NSD3: variants seen among roughly 807,000 people sequenced by gnomAD.
NSD3 encodes the protein histone-lysine N-methyltransferase NSD3.
NSD3 carries 24 observed loss-of-function variants against 160.8 expected under a neutral mutation model. That is an observed-to-expected ratio of 0.15 (90% CI 0.11 to 0.21). The LOEUF is 0.21. Among genes scored for constraint, NSD3 ranks in the 10% least tolerant of loss-of-function variants. NSD3 has a pLI of 1.00. For missense variants in NSD3, 1,157 were observed against 1,735.9 expected (o/e 0.67, Z 5.93); for synonymous variants, 520 against 600.0 (o/e 0.87, Z 1.95).
At chr8:38,376,871 C>T (rs911649468) in intron 1 of NSD3, among the ~76,000 whole-genome samples, 1 of 152,212 alleles carries the variant, frequency 6.6e-6, no homozygotes, top group Non-Finnish European at 1.5e-5. Context: ...GTTGTACTAT[C>T]TCTCTTCCAT....
chr8:38,365,038 G>A (rs1477321843), intron 1 of NSD3, among the ~76,000 whole-genome samples: 1 of 152,184 alleles, frequency 6.6e-6, no homozygotes. Flanking sequence ...AACTGACCAC[G>A]GAAATATTTT....
At chr8:38,365,348 CCT>C (rs1811081637) in intron 1 of NSD3, among the ~76,000 whole-genome samples, 2 of 152,038 alleles carry the variant, frequency 1.3e-5, no homozygotes. Context: ...TGTACCAGAC[CCT>C]GTTCTAGATC....
At chr8:38,327,322 C>T (rs1809939022) in intron 6 of NSD3, among the ~76,000 whole-genome samples, 1 of 151,938 alleles carries the variant, frequency 6.6e-6, no homozygotes, top group African/African-American at 2.4e-5. Context: ...TCCCAAAGTG[C>T]TGGGATTACA....
chr8:38,318,993 T>G lies in NSD3; in HGVS notation c.1810-53A>C, dbSNP rs1420669667. ...ACAAAGAATTTTTTTCCCTTTTAAT[T>G]ATTAACAGAGGGAAAAGATACTTTC... is the stretch of plus-strand genomic sequence containing the variant. On this transcript the variant is annotated intron_variant, in intron 8 of 23. Transcript: ENST00000317025. This position sits in a 1 kb window ranked among gnomAD's most constrained non-coding sequence, Gnocchi z 5.3. 6.1e-6 allele frequency: 9 copies of G among 1,463,856 alleles called. No homozygotes were observed. The highest frequency in any genetic ancestry group is 8.5e-6 in the Non-Finnish European group (9 of 1,062,414). 90.7% of individuals were successfully genotyped at this position (1,463,856 alleles called of 1,614,324 possible).
Position 38,295,680 on chromosome 8 carries a change from T to C in NSD3, c.2915+116A>G, listed in dbSNP as rs1160344789. On this transcript the variant is annotated intron_variant, in intron 16 of 23. Coordinates refer to ENST00000317025, the MANE Select transcript of NSD3 (RefSeq NM_023034.2). ...ACATGGTTCTTTTCTTTTTTTTTTT[T>C]AAGGAAGTAGGTCCATGCTGTCTAC... is the stretch of plus-strand genomic sequence containing the variant. The C allele has an allele frequency of 3.2e-6, 3 of 923,326 alleles. No homozygotes were observed. The East Asian group carries it at 8.5e-5, about 26-fold the overall frequency. The allele number at this position is 923,326 out of a possible 1,614,324, so 57.2% of individuals were successfully genotyped here. A position where few individuals can be genotyped will look rare whatever the true frequency, so the allele number is the denominator to read the frequency against.
intron 1 of NSD3, among the ~76,000 whole-genome samples, chr8:38,372,202 G>T (rs999216952): frequency 6.6e-6 from 1 of 152,188 alleles, no homozygotes; most frequent in Admixed American, 6.5e-5. Flanking sequence ...TCATTTTAGA[G>T]TTTGCATGTT....
chr8:38,371,332 G>T (rs1811238885), intron 1 of NSD3, among the ~76,000 whole-genome samples: 1 of 151,970 alleles, frequency 6.6e-6, no homozygotes, highest in Non-Finnish European at 1.5e-5. Context: ...AGTCACTTTG[G>T]AGAAGTTCAA....
At chr8:38,300,746 T>A (rs910102350) in intron 14 of NSD3, among the ~76,000 whole-genome samples, 11 of 152,206 alleles carry the variant, frequency 7.2e-5, no homozygotes, top group African/African-American at 1.2e-4. Flanking sequence ...GACATTTCTC[T>A]ATCCTCTATC....
At chr8:38,327,336 G>A (rs145019805) in intron 6 of NSD3, among the ~76,000 whole-genome samples, 318 of 151,940 alleles carry the variant, frequency 2.1e-3, no homozygotes, top group African/African-American at 6.8e-3. Flanking sequence ...GATTACAGGC[G>A]TTAGCCACCG....
intron 14 of NSD3, chr8:38,303,279 G>A: frequency 4.1e-6 from 4 of 985,376 alleles, no homozygotes; most frequent in Non-Finnish European, 4.8e-6. Flanking sequence ...GATGGGAAAG[G>A]CAATGAGTGA....
chr8:38,339,535 G>C (rs531636689), intron 2 of NSD3, among the ~76,000 whole-genome samples: 1 of 152,188 alleles, frequency 6.6e-6, no homozygotes, highest in African/African-American at 2.4e-5. Flanking sequence ...GACCATCCTG[G>C]CCAACATGGT....
intron 1 of NSD3, among the ~76,000 whole-genome samples, chr8:38,362,833 A>G (rs1811013671): frequency 6.6e-6 from 1 of 152,250 alleles, no homozygotes; most frequent in Non-Finnish European, 1.5e-5. Flanking sequence ...CTGTCACAAC[A>G]TCATCACTGT....
In NSD3 at chr8:38,321,222, G is replaced by T; in HGVS notation, c.1709-50C>A. 1 of 1,472,716 alleles carries T rather than the reference G, an allele frequency of 6.8e-7. No individual in the cohort carries two copies. Among genetic ancestry groups the T allele is most frequent in the South Asian group, 1.2e-5 (1 of 83,464 alleles). 91.2% of individuals were successfully genotyped at this position (1,472,716 alleles called of 1,614,324 possible). A position where few individuals can be genotyped will look rare whatever the true frequency, so the allele number is the denominator to read the frequency against. On this transcript the variant is annotated intron_variant, in intron 7 of 23. Transcript: ENST00000317025. This position sits in a 1 kb window ranked among gnomAD's most constrained non-coding sequence, Gnocchi z 4.7. ...ACAAAAACTCACTTAAGGATACCTT[G>T]ACATCTATGTAATTAAGATATGACC...
chr8:38,273,534 T>C lies in NSD3; in HGVS notation c.*2107A>G, dbSNP rs1808533969. The C allele has an allele frequency of 6.6e-6, 1 of 152,142 alleles. No individual in the cohort carries two copies. The highest frequency in any genetic ancestry group is 1.5e-5 in the Non-Finnish European group (1 of 68,020). 9.4% of individuals were successfully genotyped at this position (152,142 alleles called of 1,614,324 possible). On this transcript the variant is annotated 3_prime_UTR_variant, in exon 24 of 24. Coordinates refer to ENST00000317025, the MANE Select transcript of NSD3 (RefSeq NM_023034.2). Reference sequence around the variant, plus strand: ...AAGTCTAAAAGCAAGGAGATAAGATTTCATGTTGGATACTGTTTCAAGAAC... The same window carrying C: ...AAGTCTAAAAGCAAGGAGATAAGATCTCATGTTGGATACTGTTTCAAGAAC...
At chr8:38,378,825 C>CAAA (rs201408423) in intron 1 of NSD3, among the ~76,000 whole-genome samples, 1 of 87,366 alleles carries the variant, frequency 1.1e-5, no homozygotes, top group Non-Finnish European at 2.4e-5. Flanking sequence ...CTCCATCTCT[C>CAAA]AAAAAAAAAA....
rs1437696177 is a variant in NSD3 at position 38,279,626 on chromosome 8, C to A, written c.3674G>T (p.Ser1225Ile). The change falls in exon 21 of 24, where the codon AGT becomes ATT. Residue 1225 changes from serine to isoleucine, a missense_variant. Transcript: ENST00000317025. ...TTGTGTTTCACAGTTGGGATTACAA[C>A]TGTGGTTCATGAAGCGAGAATAATT... ...KGNYSRFMNH[S>I]CNPNCETQKW... The A allele has an allele frequency of 6.2e-7, 1 of 1,614,138 alleles. No individual in the cohort carries two copies.
At chr8:38,303,167 G>A (rs1380118690) in intron 14 of NSD3, 12 of 918,942 alleles carry the variant, frequency 1.3e-5, no homozygotes, top group Non-Finnish European at 1.6e-5. Context: ...GAGACTTTAT[G>A]TTATCACTGC....
chr8:38,304,501 T>C lies in NSD3; in HGVS notation c.2611+86A>G, dbSNP rs1049521787. 1.5e-5 allele frequency: 21 copies of C among 1,388,684 alleles called. No individual in the cohort carries two copies. The Middle Eastern group carries it at 7.8e-4, about 52-fold the overall frequency. 86.0% of individuals were successfully genotyped at this position (1,388,684 alleles called of 1,614,324 possible). A position where few individuals can be genotyped will look rare whatever the true frequency, so the allele number is the denominator to read the frequency against. The stretch of plus-strand genomic sequence containing the variant: ...AGGAGATTCTACTAGATGGCCTGAG[T>C]TCTTTCCCAATGCTGAGACTCTATG... On this transcript the variant is annotated intron_variant, in intron 14 of 23. Transcript: ENST00000317025.
In NSD3 at chr8:38,361,754, CAAAAAAAAAAA is replaced by C. The variant is rs756700150; in HGVS notation, c.-44-13550_-44-13540del. 2.6e-4 allele frequency among the ~76,000 whole-genome samples: 8 copies of C among 31,162 alleles called. 1 individual carries two copies. The highest frequency in any genetic ancestry group is 8.6e-4 in the Admixed American group (3 of 3,496). 20.4% of individuals were successfully genotyped at this position (31,162 alleles called of 152,430 possible). On this transcript the variant is annotated intron_variant, in intron 1 of 23. Transcript: ENST00000317025. ...TGGGCTACAGAGCGAGACTCCGTCTCAAAAAAAAAAAAAAAAAAAAAAAAAGACAGAAAGGG... is the reference window on the plus strand; with the variant it reads ...TGGGCTACAGAGCGAGACTCCGTCTCAAAAAAAAAAAAAAGACAGAAAGGG...
Sources: allele counts gnomAD v4.1 joint callset (sites outside exome capture counted in the v4.1 genomes callset), GRCh38; gene constraint gnomAD v4.1.1; non-coding constraint Gnocchi (gnomAD v3.1); transcripts MANE v1.5; gene names NCBI Gene and HGNC (gene_info 2026-07-23, HGNC 2026-07-21).